GORASP2: variants seen among roughly 807,000 people sequenced by gnomAD.
The protein encoded by GORASP2 is Golgi reassembly-stacking protein 2.
In GORASP2, 22 loss-of-function variants were observed where a neutral mutation model predicts 45.7. The ratio of observed to expected loss-of-function variants is 0.48; its 90% CI spans 0.34 to 0.69. GORASP2 has a LOEUF of 0.69. Ranked by LOEUF, GORASP2 falls within the 30% of genes least tolerant of loss-of-function variation. The probability of loss-of-function intolerance (pLI) is 0.01; values close to 1 mark genes in which losing one functional copy is unlikely to be tolerated. For missense variants in GORASP2, 491 were observed against 562.7 expected, an observed-to-expected ratio of 0.87 and a Z score of 1.29; for synonymous variants, 221 against 215.6, an observed-to-expected ratio of 1.02 and a Z score of -0.22.
intron 9 of GORASP2, among the ~76,000 whole-genome samples, chr2:170,963,459 C>T (rs1704615428): frequency 7.1e-6 from 1 of 140,358 alleles, no homozygotes; most frequent in African/African-American, 2.8e-5. Flanking sequence ...TGCTCCTCCT[C>T]CTCCTCCTCC....
intron 3 of GORASP2, 40 bp from the exon 4 acceptor site, chr2:170,950,162 TTA>T: frequency 1.1e-6 from 1 of 935,056 alleles, no homozygotes; most frequent in Admixed American, 2.4e-5. Flanking sequence ...GAAGATTATT[TTA>T]TATATATTAA....
chr2:170,930,303 G>A (rs1393157072), intron 1 of GORASP2, among the ~76,000 whole-genome samples: 1 of 152,210 alleles, frequency 6.6e-6, no homozygotes, highest in Non-Finnish European at 1.5e-5. Context: ...TTTAGAAGTA[G>A]CATTGATGGT....
Position 170,949,527 on chromosome 2 carries a change from A to C in GORASP2, c.145-12A>C. 6.9e-6 allele frequency: 11 copies of C among 1,601,882 alleles called. No homozygotes were observed. The highest frequency in any genetic ancestry group is 8.6e-6 in the Non-Finnish European group (10 of 1,169,132). On this transcript the variant is annotated splice_polypyrimidine_tract_variant and intron_variant, in intron 2 of 9. Transcript: ENST00000234160. ...TTATTTACTAAGGAATGTGATTTCTATGTGTTCACAGAATAAAGACAATGA... is the reference window on the plus strand; with the variant it reads ...TTATTTACTAAGGAATGTGATTTCTCTGTGTTCACAGAATAAAGACAATGA...
chr2:170,951,478 T>C lies in GORASP2; in HGVS notation c.566+20T>C. Reference sequence around the variant, plus strand: ...AGGCAGGTAAGGTCATTTTTTAGACTAAGTTATGACTGCTTAAACATACCA... The same window carrying C: ...AGGCAGGTAAGGTCATTTTTTAGACCAAGTTATGACTGCTTAAACATACCA... On this transcript the variant is annotated intron_variant, in intron 5 of 9. Transcript: ENST00000234160. 6.3e-7 allele frequency: 1 copy of C among 1,588,218 alleles called. No homozygotes were observed. The highest frequency in any genetic ancestry group is 8.6e-7 in the Non-Finnish European group (1 of 1,164,874).
intron 1 of GORASP2, 95 bp from the exon 2 acceptor site, chr2:170,948,255 G>C (rs1270287435): frequency 2.7e-6 from 2 of 739,278 alleles, no homozygotes; most frequent in Non-Finnish European, 4.9e-6. Context: ...TTCATTATCA[G>C]TGAAATTGGT....
chr2:170,929,179 C>T, upstream of GORASP2: 1 of 489,832 alleles, frequency 2.0e-6, no homozygotes, highest in Non-Finnish European at 3.3e-6. Context: ...TCGCAGCGGC[C>T]CGGGCTGCAG....
chr2:170,952,715 G>A (rs765142816), intron 5 of GORASP2, among the ~76,000 whole-genome samples: 2 of 152,154 alleles, frequency 1.3e-5, no homozygotes, highest in African/African-American at 4.8e-5. Context: ...TGGAGACAGC[G>A]TCTTGCTCTC....
intron 1 of GORASP2, among the ~76,000 whole-genome samples, chr2:170,933,747 C>T (rs1025530404): frequency 6.6e-6 from 1 of 152,098 alleles, no homozygotes; most frequent in Non-Finnish European, 1.5e-5. Flanking sequence ...CTTTCTGGAG[C>T]AAGTATTCAG....
At chr2:170,934,244 CCT>C (rs71399579) in intron 1 of GORASP2, among the ~76,000 whole-genome samples, 31,223 of 150,340 alleles carry the variant, frequency 0.21, 3,873 homozygotes, top group Non-Finnish European at 0.28. Context: ...AAACTCATAC[CCT>C]GTTTTTTTTT....
In GORASP2 at chr2:170,929,368, C is replaced by T; in HGVS notation, c.28C>T (p.Pro10Ser). ...GGGCTCCTCGCAAAGCGTCGAGATC[C>T]CGGGCGGGGGCACCGAGGGCTACCA... Reference protein sequence around the residue: MGSSQSVEIPGGGTEGYHVL... With the variant: MGSSQSVEISGGGTEGYHVL... Residue 10 changes from proline (P) to serine (S), a missense_variant, in exon 1 of 10, where the codon CCG becomes TCG. Physicochemically the swap from Pro to Ser is moderately conservative, Grantham distance 74 (BLOSUM62 -1). Transcript: ENST00000234160. 2.1e-6 allele frequency: 3 copies of T among 1,409,998 alleles called. No homozygotes were observed. Among genetic ancestry groups the T allele is most frequent in the Non-Finnish European group, 2.8e-6 (3 of 1,080,360 alleles). 87.3% of individuals were successfully genotyped at this position (1,409,998 alleles called of 1,614,324 possible).
intron 1 of GORASP2, among the ~76,000 whole-genome samples, chr2:170,930,844 G>A (rs1275384583): frequency 6.6e-6 from 1 of 151,948 alleles, no homozygotes; most frequent in African/African-American, 2.4e-5. Context: ...CTCTACCCTG[G>A]GATGTTACCC....
Position 170,949,742 on chromosome 2 carries a change from G to A in GORASP2, c.348G>A (p.Leu116=). 1 of 1,603,170 alleles carries A rather than the reference G, an allele frequency of 6.2e-7. No homozygotes were observed. The highest frequency in any genetic ancestry group is 8.5e-7 in the Non-Finnish European group (1 of 1,170,120). ...DGANENVWHV[L]EVESNSPAAL... is the part of the protein sequence containing the mutation. ...CAAATGAAAATGTTTGGCATGTGCTGGTACGTATCAACTGTGAACTGTTAC... is the reference window on the plus strand; with the variant it reads ...CAAATGAAAATGTTTGGCATGTGCTAGTACGTATCAACTGTGAACTGTTAC... The change falls in exon 3 of 10, where the codon CTG becomes CTA. Residue 116 remains leucine, a splice_region_variant and synonymous_variant. Coordinates refer to ENST00000234160, the MANE Select transcript of GORASP2 (RefSeq NM_015530.5).
At chr2:170,933,785 A>T (rs1395497606) in intron 1 of GORASP2, among the ~76,000 whole-genome samples, 1 of 152,214 alleles carries the variant, frequency 6.6e-6, no homozygotes, top group Non-Finnish European at 1.5e-5. Flanking sequence ...GTGTGGAGAC[A>T]TGGAAAATGG....
Position 170,929,412 on chromosome 2 carries a change from TC to T in GORASP2, c.63+11del, listed in dbSNP as rs1449185825. ...GCTACCACGTTCTGCGGGTAAGGGC[TC>T]CGACGGCGGCCGGGGAGCTGCGGGC... On this transcript the variant is annotated intron_variant, in intron 1 of 9. Coordinates refer to ENST00000234160, the MANE Select transcript of GORASP2 (RefSeq NM_015530.5). 4.3e-6 allele frequency: 6 copies of T among 1,383,260 alleles called. No homozygotes were observed. The African/African-American group carries it at 7.5e-5, about 17-fold the overall frequency. The allele number at this position is 1,383,260 out of a possible 1,614,324, so 85.7% of individuals were successfully genotyped here. A position where few individuals can be genotyped will look rare whatever the true frequency, so the allele number is the denominator to read the frequency against.
intron 1 of GORASP2, among the ~76,000 whole-genome samples, chr2:170,933,716 T>C (rs1212943391): frequency 6.6e-6 from 1 of 151,844 alleles, no homozygotes; most frequent in African/African-American, 2.4e-5. Context: ...TTAAAAGAGA[T>C]GGGGAATAGC....
At chr2:170,936,833 G>A (rs560124392) in intron 1 of GORASP2, 6 of 363,226 alleles carry the variant, frequency 1.7e-5, no homozygotes, top group Non-Finnish European at 2.2e-5. Flanking sequence ...AGGCTGCAGC[G>A]AGCTATCCTC....
chr2:170,961,668 C>G lies in GORASP2; in HGVS notation c.829C>G (p.Pro277Ala). The change falls in exon 8 of 10, where the codon CCA becomes GCA. Residue 277 changes from proline (P) to alanine (A), a missense_variant. Physicochemically the swap from Pro to Ala is conservative, Grantham distance 27 (BLOSUM62 -1). Around this residue, in one of 2 missense-constraint regions of GORASP2, gnomAD observed 297 missense variants for 292.3 expected, o/e 1.02. Coordinates refer to ENST00000234160, the MANE Select transcript of GORASP2 (RefSeq NM_015530.5). Reference sequence around the variant, plus strand: ...AGATTGTGCTTTCTTTTTAGGTGTACCAACAGTACCGTTATTGCCACCACA... The same window carrying G: ...AGATTGTGCTTTCTTTTTAGGTGTAGCAACAGTACCGTTATTGCCACCACA... ...AVSSVLSTGV[P>A]TVPLLPPQVN... 1 of 1,545,562 alleles carries G rather than the reference C, an allele frequency of 6.5e-7. No homozygotes were observed. Among genetic ancestry groups the G allele is most frequent in the Non-Finnish European group, 8.9e-7 (1 of 1,117,624 alleles).
intron 1 of GORASP2, among the ~76,000 whole-genome samples, chr2:170,940,487 G>A (rs1704049937): frequency 6.6e-6 from 1 of 152,168 alleles, no homozygotes; most frequent in Admixed American, 6.5e-5. Flanking sequence ...AGTAGTAGTT[G>A]AACATTCTTA....
chr2:170,951,213 C>T, intron 4 of GORASP2, 115 bp from the exon 5 acceptor site: 4 of 732,828 alleles, frequency 5.5e-6, no homozygotes, highest in Non-Finnish European at 8.8e-6. Flanking sequence ...TGGGGCAGGG[C>T]CCAGAATCTG....
Sources: allele counts gnomAD v4.1 joint callset (sites outside exome capture counted in the v4.1 genomes callset), GRCh38; gene constraint gnomAD v4.1.1; regional missense constraint gnomAD v4.1.1; transcripts MANE v1.5; gene names NCBI Gene and HGNC (gene_info 2026-07-23, HGNC 2026-07-21).